The following CADM2 variants were observed in gnomAD, a reference collection of about 807,000 sequenced individuals.
CADM2 encodes the protein immunoglobulin superfamily member 4D.
In CADM2, 12 loss-of-function variants were observed where a neutral mutation model predicts 49.8. The ratio of observed to expected loss-of-function variants is 0.24; its 90% CI spans 0.15 to 0.39. The LOEUF (loss-of-function observed/expected upper bound fraction) is 0.39. CADM2 is among the 10% of genes least tolerant of loss of function. CADM2 has a pLI of 1.00. For synonymous variants in CADM2, 214 were observed against 175.4 expected (o/e 1.22, Z -1.74); for missense variants, 378 against 492.3 (o/e 0.77, Z 2.20).
chr3:85,549,632 T>C lies in CADM2; in HGVS notation c.62-176890T>C, dbSNP rs551210781. ...TAATATATTTAAAGGTATTTATTTA[T>C]TTATTTATTTATTGAGACAGAGTCT... On this transcript the variant is annotated intron_variant, in intron 1 of 9. Coordinates refer to ENST00000383699, the MANE Select transcript of CADM2 (RefSeq NM_001167675.2). Among the ~76,000 whole-genome samples, 4 of 152,122 alleles carry C rather than the reference T, an allele frequency of 2.6e-5. No homozygotes were observed. In the South Asian group the frequency reaches 8.3e-4, roughly 32 times the overall value.
At chr3:86,039,893 G>T (rs1347157885) in intron 8 of CADM2, among the ~76,000 whole-genome samples, 1 of 152,164 alleles carries the variant, frequency 6.6e-6, no homozygotes, top group Non-Finnish European at 1.5e-5. Flanking sequence ...AACTTCCAGA[G>T]GAACGATCAG....
At chr3:85,543,222 A>C (rs2061583722) in intron 1 of CADM2, among the ~76,000 whole-genome samples, 1 of 150,610 alleles carries the variant, frequency 6.6e-6, no homozygotes, top group South Asian at 2.1e-4. Context: ...CTAAAGTTCC[A>C]CAACTCTTTT....
chr3:85,799,630 G>A (rs117492326), intron 2 of CADM2, among the ~76,000 whole-genome samples: 42 of 152,270 alleles, frequency 2.8e-4, no homozygotes, highest in Middle Eastern at 3.4e-3. Context: ...TGACTTGATC[G>A]TGGTGGATAA....
At chr3:85,973,505 A>G (rs1726409845) in intron 8 of CADM2, among the ~76,000 whole-genome samples, 1 of 151,786 alleles carries the variant, frequency 6.6e-6, no homozygotes, top group Non-Finnish European at 1.5e-5. Flanking sequence ...CAGGAAACAA[A>G]AATGCAAGCA....
At chr3:85,104,556 C>CT (rs955393269) in intron 1 of CADM2, among the ~76,000 whole-genome samples, 40 of 152,036 alleles carry the variant, frequency 2.6e-4, no homozygotes, top group Non-Finnish European at 4.4e-4. Context: ...GATGCGGGCT[C>CT]TTTTTTGGAA....
intron 1 of CADM2, among the ~76,000 whole-genome samples, chr3:85,270,447 T>C (rs1334301481): frequency 1.3e-5 from 2 of 151,404 alleles, no homozygotes; most frequent in Admixed American, 1.3e-4. Flanking sequence ...TCATATTTTG[T>C]ACCTAGTCAC....
At chr3:85,806,173 A>G (rs1488931603) in intron 3 of CADM2, among the ~76,000 whole-genome samples, 1 of 126,900 alleles carries the variant, frequency 7.9e-6, no homozygotes, top group Non-Finnish European at 1.7e-5. Context: ...GAAGCGAGGG[A>G]GGGAGGGAGG....
At chr3:85,820,449 T>G (rs1340324001) in intron 3 of CADM2, among the ~76,000 whole-genome samples, 2 of 151,998 alleles carry the variant, frequency 1.3e-5, no homozygotes, top group Non-Finnish European at 2.9e-5. Context: ...GAGTTAGCAA[T>G]GAGGATGATG....
intron 2 of CADM2, among the ~76,000 whole-genome samples, chr3:85,801,777 A>G (rs1212126399): frequency 6.6e-6 from 1 of 152,182 alleles, no homozygotes; most frequent in African/African-American, 2.4e-5. Flanking sequence ...ATATAATATT[A>G]CTATTTGAAT....
chr3:85,869,211 G>A (rs1409755429), intron 3 of CADM2, among the ~76,000 whole-genome samples: 3 of 152,018 alleles, frequency 2.0e-5, no homozygotes, highest in Admixed American at 1.3e-4. Context: ...TTAAAGCTCG[G>A]CAATGAAGTG....
intron 8 of CADM2, among the ~76,000 whole-genome samples, chr3:86,011,127 C>G (rs1056655084): frequency 6.6e-6 from 1 of 151,868 alleles, no homozygotes; most frequent in African/African-American, 2.4e-5. Context: ...TATAATGTCG[C>G]CACATCAGTA....
At chr3:85,214,111 C>T (rs2041867642) in intron 1 of CADM2, among the ~76,000 whole-genome samples, 1 of 151,902 alleles carries the variant, frequency 6.6e-6, no homozygotes, top group African/African-American at 2.4e-5. Flanking sequence ...GTGTTGTGAT[C>T]CAAGTCTTTG....
chr3:85,538,414 G>A (rs1338949217), intron 1 of CADM2, among the ~76,000 whole-genome samples: 1 of 151,356 alleles, frequency 6.6e-6, no homozygotes, highest in South Asian at 2.1e-4. Context: ...TGGTTATGAA[G>A]GGACTATGCT....
intron 1 of CADM2, among the ~76,000 whole-genome samples, chr3:85,193,829 A>G (rs1404157142): frequency 6.6e-6 from 1 of 152,142 alleles, no homozygotes; most frequent in Non-Finnish European, 1.5e-5. Context: ...TCATGCATTC[A>G]ACAAATGTAT....
chr3:85,918,465 T>A (rs1016027266), intron 6 of CADM2, among the ~76,000 whole-genome samples: 34 of 152,174 alleles, frequency 2.2e-4, no homozygotes, highest in Non-Finnish European at 2.4e-4. Flanking sequence ...TTTATTGATT[T>A]TCGTATGTTG....
chr3:85,927,861 A>G (rs141395417), intron 6 of CADM2, among the ~76,000 whole-genome samples: 4 of 152,258 alleles, frequency 2.6e-5, no homozygotes, highest in African/African-American at 9.6e-5. Flanking sequence ...CTGATAAAAC[A>G]TTTAACTCAA....
chr3:85,255,095 C>G (rs1380672948), intron 1 of CADM2, among the ~76,000 whole-genome samples: 4 of 152,058 alleles, frequency 2.6e-5, no homozygotes, highest in Admixed American at 6.6e-5. Flanking sequence ...ATAATAACCA[C>G]AGCCAAATTT....
intron 1 of CADM2, among the ~76,000 whole-genome samples, chr3:85,097,769 T>A (rs2037856971): frequency 6.6e-6 from 1 of 152,212 alleles, no homozygotes; most frequent in African/African-American, 2.4e-5. Context: ...GATACATCAA[T>A]GAGAAAAATA....
intron 8 of CADM2, among the ~76,000 whole-genome samples, chr3:86,018,416 TGG>T (rs1425310909): frequency 2.0e-5 from 3 of 151,386 alleles, no homozygotes; most frequent in Non-Finnish European, 4.4e-5. Context: ...CTGGGTCAAA[TGG>T]TATTTCCAGT....
Sources: allele counts gnomAD v4.1 joint callset (sites outside exome capture counted in the v4.1 genomes callset), GRCh38; gene constraint gnomAD v4.1.1; transcripts MANE v1.5; gene names NCBI Gene and HGNC (gene_info 2026-07-23, HGNC 2026-07-21).